The following BAIAP2L1 variants were observed in gnomAD, a reference collection of about 807,000 sequenced individuals.
BAIAP2L1 encodes BAR/IMD domain-containing adapter protein 2-like 1.
A neutral mutation model predicts 66.3 loss-of-function variants in BAIAP2L1; 35 were observed. The ratio of observed to expected loss-of-function variants is 0.53; its 90% CI spans 0.40 to 0.70. The LOEUF (loss-of-function observed/expected upper bound fraction) is 0.70, where lower values mean the gene tolerates loss of function less well. BAIAP2L1 is among the 30% of genes least tolerant of loss of function. BAIAP2L1 has a pLI of 0.00. For missense variants in BAIAP2L1, 622 were observed against 656.9 expected (o/e 0.95, Z 0.58); for synonymous variants, 269 against 248.7 (o/e 1.08, Z -0.77).
intron 3 of BAIAP2L1, among the ~76,000 whole-genome samples, chr7:98,334,875 C>A (rs563041645): frequency 2.3e-4 from 33 of 142,466 alleles, no homozygotes; most frequent in Non-Finnish European, 3.7e-4. Context: ...CCTGGCTGGG[C>A]GTGGTGGCTC....
At chr7:98,397,698 T>A (rs186437132) in intron 1 of BAIAP2L1, among the ~76,000 whole-genome samples, 19 of 152,228 alleles carry the variant, frequency 1.2e-4, no homozygotes, top group East Asian at 5.8e-4. Context: ...TTGAACTACT[T>A]CTTCTACCAT....
intron 12 of BAIAP2L1, among the ~76,000 whole-genome samples, chr7:98,298,042 G>T (rs1044741549): frequency 6.6e-6 from 1 of 151,846 alleles, no homozygotes; most frequent in East Asian, 2.0e-4. Flanking sequence ...ACCAGCCTGG[G>T]CAACATAACA....
At chr7:98,321,430 C>T (rs1801242320) in intron 3 of BAIAP2L1, among the ~76,000 whole-genome samples, 1 of 152,124 alleles carries the variant, frequency 6.6e-6, no homozygotes, top group Non-Finnish European at 1.5e-5. Flanking sequence ...AGTGCTCAGC[C>T]CTGCCTCTGC....
chr7:98,349,643 CA>C (rs1801955125), intron 3 of BAIAP2L1, among the ~76,000 whole-genome samples: 1 of 151,434 alleles, frequency 6.6e-6, no homozygotes, highest in Non-Finnish European at 1.5e-5. Flanking sequence ...GAGGCCGAGG[CA>C]GGTGGATTAC....
chr7:98,373,518 T>C (rs1802557681), intron 1 of BAIAP2L1, among the ~76,000 whole-genome samples: 1 of 152,110 alleles, frequency 6.6e-6, no homozygotes, highest in Non-Finnish European at 1.5e-5. Context: ...GAAAGAAAAT[T>C]TGGCCTTGAA....
intron 2 of BAIAP2L1, among the ~76,000 whole-genome samples, chr7:98,360,226 G>A (rs541443543): frequency 6.6e-6 from 1 of 152,098 alleles, no homozygotes; most frequent in African/African-American, 2.4e-5. Context: ...CCTGGCCTGA[G>A]CTAATTTTTA....
In BAIAP2L1 at chr7:98,393,152, TA is replaced by T. The variant is rs1426711318; in HGVS notation, c.51+7649del. Among the ~76,000 whole-genome samples the T allele has an allele frequency of 3.0e-3, 410 of 136,044 alleles. 15 individuals carry two copies. The highest frequency in any genetic ancestry group is 0.011 in the Middle Eastern group (3 of 270). 89.3% of individuals were successfully genotyped at this position (136,044 alleles called of 152,430 possible). A position where few individuals can be genotyped will look rare whatever the true frequency, so the allele number is the denominator to read the frequency against. ...ATATACACACATATGTGTACATATA[TA>T]TGTACACATATATGTATATATATAC... On this transcript the variant is annotated intron_variant, in intron 1 of 13. Coordinates refer to ENST00000005260, the MANE Select transcript of BAIAP2L1 (RefSeq NM_018842.5).
intron 8 of BAIAP2L1, 90 bp from the exon 9 acceptor site, chr7:98,310,682 T>C (rs1800837881): frequency 4.0e-6 from 4 of 1,005,072 alleles, no homozygotes; most frequent in Admixed American, 3.6e-5. Context: ...TTTTAAATAA[T>C]AGGCTATTTA....
chr7:98,360,468 G>A (rs907755036), intron 2 of BAIAP2L1, among the ~76,000 whole-genome samples: 1 of 152,100 alleles, frequency 6.6e-6, no homozygotes, highest in African/African-American at 2.4e-5. Context: ...ACAACCAGAT[G>A]GCCTGCAGAA....
chr7:98,334,776 C>T (rs1469036751), intron 3 of BAIAP2L1, among the ~76,000 whole-genome samples: 1 of 151,482 alleles, frequency 6.6e-6, no homozygotes, highest in African/African-American at 2.4e-5. Context: ...GAACTCCTGA[C>T]CTCAGGTGAT....
intron 3 of BAIAP2L1, among the ~76,000 whole-genome samples, chr7:98,351,759 T>C (rs1802006309): frequency 6.6e-6 from 1 of 152,194 alleles, no homozygotes; most frequent in Non-Finnish European, 1.5e-5. Context: ...ATTGGGTATT[T>C]TATTTTTTAC....
intron 12 of BAIAP2L1, among the ~76,000 whole-genome samples, chr7:98,299,805 C>T (rs1025917234): frequency 2.0e-5 from 3 of 152,198 alleles, no homozygotes; most frequent in African/African-American, 7.2e-5. Context: ...CTTTGGGAGG[C>T]TGAGGCGGGA....
intron 3 of BAIAP2L1, among the ~76,000 whole-genome samples, chr7:98,330,247 T>C (rs1801463823): frequency 6.6e-6 from 1 of 152,170 alleles, no homozygotes; most frequent in African/African-American, 2.4e-5. Context: ...CTGAGGGTTC[T>C]ACTGGGAAAA....
At chr7:98,328,245 C>T (rs981609472) in intron 3 of BAIAP2L1, among the ~76,000 whole-genome samples, 2 of 151,942 alleles carry the variant, frequency 1.3e-5, no homozygotes, top group South Asian at 2.1e-4. Context: ...CCAGGCACCA[C>T]GAAAGGGAAA....
intron 1 of BAIAP2L1, among the ~76,000 whole-genome samples, chr7:98,372,770 G>A (rs944042453): frequency 9.1e-5 from 11 of 121,528 alleles, no homozygotes; most frequent in Admixed American, 6.6e-4. Context: ...ACACAGTCTC[G>A]CTCTGTCTCC....
At chr7:98,339,599 G>A (rs1801693152) in intron 3 of BAIAP2L1, among the ~76,000 whole-genome samples, 1 of 152,178 alleles carries the variant, frequency 6.6e-6, no homozygotes, top group African/African-American at 2.4e-5. Flanking sequence ...GCGTGGCCAG[G>A]CCTCACTCGC....
chr7:98,296,540 G>A (rs1800199105), intron 12 of BAIAP2L1, among the ~76,000 whole-genome samples: 1 of 152,140 alleles, frequency 6.6e-6, no homozygotes, highest in African/African-American at 2.4e-5. Context: ...CAGGAGAATC[G>A]CTTGAACAGG....
chr7:98,357,605 A>G (rs1300919917), intron 2 of BAIAP2L1, among the ~76,000 whole-genome samples: 3 of 150,820 alleles, frequency 2.0e-5, no homozygotes, highest in East Asian at 1.9e-4. Context: ...TTATATATAT[A>G]TAAAAGTTAT....
At chr7:98,390,604 T>C (rs1385663762) in intron 1 of BAIAP2L1, among the ~76,000 whole-genome samples, 1 of 151,612 alleles carries the variant, frequency 6.6e-6, no homozygotes, top group Admixed American at 6.6e-5. Context: ...TGGTGGTGGG[T>C]GCCTGCAGTC....
Sources: gnomAD v4.1 joint callset for allele counts (sites outside exome capture counted in the v4.1 genomes callset) on GRCh38, gnomAD v4.1.1 for gene constraint, MANE v1.5 for transcripts, NCBI Gene and HGNC (gene_info 2026-07-23, HGNC 2026-07-21) for gene names.